The following ANOS1 variants were observed in gnomAD, a reference collection of about 807,000 sequenced individuals.
ANOS1 encodes anosmin 1, also known as anosmin-1.
A neutral mutation model predicts 59.0 loss-of-function variants in ANOS1; 6 were observed. That is an observed-to-expected ratio of 0.10 (90% CI 0.06 to 0.20). The LOEUF is 0.20. Among genes scored for constraint, ANOS1 ranks in the 10% least tolerant of loss-of-function variants. ANOS1 has a pLI of 1.00. For missense variants in ANOS1, 433 were observed against 542.3 expected, an observed-to-expected ratio of 0.80 and a Z score of 2.00; for synonymous variants, 217 against 223.4, an observed-to-expected ratio of 0.97 and a Z score of 0.25.
chrX:8,610,034 A>C (rs994306473), intron 3 of ANOS1, among the ~76,000 whole-genome samples: 3 of 75,693 alleles, frequency 4.0e-5, no homozygotes, highest in Admixed American at 3.4e-4. Context: ...AAAAAAAAAA[A>C]ACAACAACCT....
At chrX:8,533,878 AT>A (rs1442104878) in intron 13 of ANOS1, among the ~76,000 whole-genome samples, 2 of 110,395 alleles carry the variant, frequency 1.8e-5, no homozygotes, top group African/African-American at 3.3e-5. Flanking sequence ...GAGACTACAG[AT>A]TTTTTTCCCA....
At chrX:8,649,043 T>A (rs1411957596) in intron 2 of ANOS1, among the ~76,000 whole-genome samples, 1 of 111,546 alleles carries the variant, frequency 9.0e-6, no homozygotes, top group Non-Finnish European at 1.9e-5. Flanking sequence ...ATGGTTCCAA[T>A]ACAGAAAGGT....
chrX:8,540,401 C>T (rs1929664193), intron 9 of ANOS1, among the ~76,000 whole-genome samples: 1 of 111,238 alleles, frequency 9.0e-6, no homozygotes, highest in African/African-American at 3.3e-5. Context: ...CTGATCCCTA[C>T]TGAAATATGA....
In ANOS1 at chrX:8,709,653, C is replaced by T. The variant is rs148357819; in HGVS notation, c.208-9908G>A. ...TGGCTATAGTGTACTTTAGGTGATACGTAATAACTAGAAGTGTTTTGAAGC... is the reference window on the plus strand; with the variant it reads ...TGGCTATAGTGTACTTTAGGTGATATGTAATAACTAGAAGTGTTTTGAAGC... On this transcript the variant is annotated intron_variant, in intron 1 of 13. Transcript: ENST00000262648. 4.3e-4 allele frequency among the ~76,000 whole-genome samples: 48 copies of T among 111,764 alleles called. 1 individual carries two copies. In the East Asian group the frequency reaches 0.012, roughly 29 times the overall value.
intron 6 of ANOS1, among the ~76,000 whole-genome samples, chrX:8,574,934 C>T (rs1018609877): frequency 3.6e-5 from 4 of 111,960 alleles, no homozygotes; most frequent in Middle Eastern, 4.6e-3. Flanking sequence ...CTTCTACTCA[C>T]GATAATGAAA....
rs768017431 is a variant in ANOS1 at position 8,623,598 on chromosome X, G to A, written c.318+10C>T. On this transcript the variant is annotated intron_variant, in intron 3 of 13. Coordinates refer to ENST00000262648, the MANE Select transcript of ANOS1 (RefSeq NM_000216.4). ...GTCAAGTGTTTTAAGTACCACTGACGTTCTCCTACCTCACAAAAGCTTTGG... is the reference window on the plus strand; with the variant it reads ...GTCAAGTGTTTTAAGTACCACTGACATTCTCCTACCTCACAAAAGCTTTGG... The A allele has an allele frequency of 2.9e-5, 34 of 1,190,182 alleles. No homozygotes were observed. Among genetic ancestry groups the A allele is most frequent in the African/African-American group, 3.5e-5 (2 of 57,042 alleles).
At chrX:8,544,613 A>C (rs1929737135) in intron 9 of ANOS1, among the ~76,000 whole-genome samples, 1 of 109,643 alleles carries the variant, frequency 9.1e-6, no homozygotes, top group African/African-American at 3.3e-5. Flanking sequence ...GTAGAGACAC[A>C]AAGTCTAGAG....
chrX:8,641,163 G>A (rs1157460303), intron 2 of ANOS1, among the ~76,000 whole-genome samples: 1 of 112,014 alleles, frequency 8.9e-6, no homozygotes, highest in East Asian at 2.8e-4. Flanking sequence ...GGATTCGAAA[G>A]CAATAAAAAA....
At chrX:8,657,831 TA>T (rs1288695624) in intron 2 of ANOS1, among the ~76,000 whole-genome samples, 3 of 110,791 alleles carry the variant, frequency 2.7e-5, no homozygotes, top group African/African-American at 9.9e-5. Context: ...AGATGGAGAA[TA>T]AGGAAGAAGG....
At chrX:8,613,497 A>G (rs928959657) in intron 3 of ANOS1, among the ~76,000 whole-genome samples, 15 of 111,302 alleles carry the variant, frequency 1.3e-4, no homozygotes, top group African/African-American at 4.9e-4. Flanking sequence ...AAATGCTGGT[A>G]TTACAGGTGT....
At chrX:8,654,570 C>T (rs982446567) in intron 2 of ANOS1, among the ~76,000 whole-genome samples, 3 of 112,464 alleles carry the variant, frequency 2.7e-5, no homozygotes, top group Non-Finnish European at 3.7e-5. Context: ...AAGCAGTACA[C>T]TTTCTAAAGA....
At chrX:8,661,581 G>A (rs1017406521) in intron 2 of ANOS1, among the ~76,000 whole-genome samples, 2 of 112,206 alleles carry the variant, frequency 1.8e-5, no homozygotes, top group African/African-American at 3.2e-5. Context: ...AATACAGCCC[G>A]TAACAGTAGA....
intron 6 of ANOS1, among the ~76,000 whole-genome samples, chrX:8,582,689 A>G (rs1176953585): frequency 9.0e-6 from 1 of 111,313 alleles, no homozygotes; most frequent in Admixed American, 9.6e-5. Flanking sequence ...GGAAGCAGGG[A>G]TGAGAGGCCT....
intron 2 of ANOS1, among the ~76,000 whole-genome samples, chrX:8,671,783 C>G (rs758259845): frequency 9.1e-6 from 1 of 109,460 alleles, no homozygotes; most frequent in Non-Finnish European, 1.9e-5. Context: ...TTTTAACTTT[C>G]AAAAAAATTA....
chrX:8,662,491 T>C (rs1232661574), intron 2 of ANOS1, among the ~76,000 whole-genome samples: 1 of 112,057 alleles, frequency 8.9e-6, no homozygotes, highest in Non-Finnish European at 1.9e-5. Context: ...AATGAATAAG[T>C]GTGGCTGTGC....
chrX:8,610,799 C>T (rs977279200), intron 3 of ANOS1, among the ~76,000 whole-genome samples: 3 of 111,103 alleles, frequency 2.7e-5, no homozygotes, highest in African/African-American at 9.8e-5. Flanking sequence ...CCCAAGAAAG[C>T]TTAAAAGAAA....
At chrX:8,643,710 G>A (rs2146858985) in intron 2 of ANOS1, among the ~76,000 whole-genome samples, 1 of 111,592 alleles carries the variant, frequency 9.0e-6, no homozygotes, top group East Asian at 2.8e-4. Flanking sequence ...CTTTTAAAGG[G>A]TCTGAATAGG....
chrX:8,539,435 G>A (rs1306655066), intron 10 of ANOS1, among the ~76,000 whole-genome samples: 2 of 109,718 alleles, frequency 1.8e-5, no homozygotes, highest in Non-Finnish European at 3.8e-5. Context: ...TTTAGTCTCT[G>A]CACTTTAGGT....
intron 2 of ANOS1, among the ~76,000 whole-genome samples, chrX:8,670,114 C>T (rs1162666097): frequency 2.7e-5 from 3 of 109,713 alleles, no homozygotes; most frequent in South Asian, 7.9e-4. Flanking sequence ...AAAGTATGCT[C>T]GTTCTGTCTG....
Sources: gnomAD v4.1 joint callset for allele counts (sites outside exome capture counted in the v4.1 genomes callset) on GRCh38, gnomAD v4.1.1 for gene constraint, MANE v1.5 for transcripts, NCBI Gene and HGNC (gene_info 2026-07-23, HGNC 2026-07-21) for gene names.